Variants in TSPAN18 observed in about 807,000 individuals in gnomAD.
TSPAN18 encodes tetraspanin 18.
A neutral mutation model predicts 27.3 loss-of-function variants in TSPAN18; 14 were observed. The observed-to-expected ratio is 0.51, with a 90% CI of 0.34 to 0.80. The LOEUF (loss-of-function observed/expected upper bound fraction) is 0.80, where lower values mean the gene tolerates loss of function less well. Among genes scored for constraint, TSPAN18 ranks in the 30% least tolerant of loss-of-function variants. The pLI, the probability that TSPAN18 is intolerant of heterozygous loss-of-function variation, is 0.01. For synonymous variants in TSPAN18, 143 were observed against 136.5 expected, an observed-to-expected ratio of 1.05 and a Z score of -0.33; for missense variants, 268 against 323.9, an observed-to-expected ratio of 0.83 and a Z score of 1.32.
At chr11:44,886,646 G>A (rs1376122189) in intron 3 of TSPAN18, 1 of 152,178 alleles carries the variant, frequency 6.6e-6, no homozygotes. Context: ...TGCCAGGAAG[G>A]ACTTCCCCAC....
intron 1 of TSPAN18, among the ~76,000 whole-genome samples, chr11:44,761,629 T>G (rs1216030446): frequency 1.2e-4 from 18 of 152,186 alleles, no homozygotes; most frequent in African/African-American, 4.3e-4. Context: ...AGTAATTTTG[T>G]TATTGACAGG....
chr11:44,829,951 G>A (rs181400550), intron 2 of TSPAN18, among the ~76,000 whole-genome samples: 1 of 152,308 alleles, frequency 6.6e-6, no homozygotes, highest in Admixed American at 6.5e-5. Flanking sequence ...TGAACCAACT[G>A]TGTCTCTCCC....
chr11:44,926,792 G>C, intron 9 of TSPAN18, 35 bp downstream of exon 9: 1 of 1,604,992 alleles, frequency 6.2e-7, no homozygotes, highest in East Asian at 2.2e-5. Flanking sequence ...CGCTCCCCAG[G>C]ATGAAGCCTC....
intron 2 of TSPAN18, among the ~76,000 whole-genome samples, chr11:44,836,781 A>G (rs573707669): frequency 1.3e-5 from 2 of 152,364 alleles, no homozygotes; most frequent in East Asian, 3.9e-4. Flanking sequence ...ACCCTTAAGA[A>G]TGAGGCTAAA....
Position 44,929,119 on chromosome 11 carries a change from C to A in TSPAN18, c.700-12C>A. The A allele has an allele frequency of 6.2e-7, 1 of 1,613,152 alleles. No individual in the cohort carries two copies. The highest frequency in any genetic ancestry group is 8.5e-7 in the Non-Finnish European group (1 of 1,180,004). ...TGATAAGCCAGTTCCTGCTCTTTTT[C>A]TTTTTTTGCAGCTTTTCGCCATGAT... On this transcript the variant is annotated splice_polypyrimidine_tract_variant and intron_variant, in intron 9 of 9. Transcript: ENST00000520358.
intron 3 of TSPAN18, among the ~76,000 whole-genome samples, chr11:44,894,746 C>T (rs1312634984): frequency 1.3e-5 from 2 of 152,224 alleles, no homozygotes; most frequent in Non-Finnish European, 2.9e-5. Flanking sequence ...CAAGGGCCTC[C>T]AGCTGGCTCA....
At chr11:44,920,297 C>A (rs1429883940) in intron 8 of TSPAN18, among the ~76,000 whole-genome samples, 1 of 152,050 alleles carries the variant, frequency 6.6e-6, no homozygotes, top group Non-Finnish European at 1.5e-5. Context: ...TCCTGAGTTT[C>A]TGATAATGCA....
At chr11:44,925,107 C>G (rs1484610725) in intron 8 of TSPAN18, among the ~76,000 whole-genome samples, 1 of 152,210 alleles carries the variant, frequency 6.6e-6, no homozygotes, top group Non-Finnish European at 1.5e-5. Flanking sequence ...GCTCCCAGTG[C>G]CACAGCAGAG....
At chr11:44,795,475 C>T (rs1012921447) in intron 2 of TSPAN18, among the ~76,000 whole-genome samples, 15 of 152,122 alleles carry the variant, frequency 9.9e-5, no homozygotes, top group Admixed American at 9.8e-4. Context: ...CCTACCTCCA[C>T]TCATCCAAGC....
intron 1 of TSPAN18, among the ~76,000 whole-genome samples, chr11:44,762,679 T>A (rs1855480728): frequency 6.6e-6 from 1 of 152,144 alleles, no homozygotes; most frequent in Non-Finnish European, 1.5e-5. Context: ...AACAAATTCC[T>A]CTGATTGTAG....
At position 44,929,173 on chromosome 11, in the gene TSPAN18, C is replaced by T. The variant is rs369733005; in HGVS notation, c.742C>T (p.Gln248Ter). ...IFAMCLFRGI[Q>*] is the part of the protein sequence containing the mutation. ...TGCCATGTGCCTCTTCCGGGGCATC[C>T]AGTAGAGGGTATGGCCTGAAGCCTG... Residue 248 changes from glutamine to a stop codon, truncating the protein, a stop_gained, in exon 10 of 10, where the codon CAG becomes TAG. Coordinates refer to ENST00000520358, the MANE Select transcript of TSPAN18 (RefSeq NM_130783.5). LOFTEE classifies it high-confidence loss of function. The T allele has an allele frequency of 6.2e-7, 1 of 1,613,530 alleles. No homozygotes were observed. Among genetic ancestry groups the T allele is most frequent in the African/African-American group, 1.3e-5 (1 of 74,926 alleles).
At chr11:44,927,929 A>G (rs886888551) in intron 9 of TSPAN18, among the ~76,000 whole-genome samples, 5 of 152,096 alleles carry the variant, frequency 3.3e-5, no homozygotes, top group Non-Finnish European at 5.9e-5. Flanking sequence ...GCATTCATAT[A>G]CTTGATCTGC....
At chr11:44,813,023 C>T (rs1187352518) in intron 2 of TSPAN18, among the ~76,000 whole-genome samples, 1 of 151,866 alleles carries the variant, frequency 6.6e-6, no homozygotes, top group Non-Finnish European at 1.5e-5. Flanking sequence ...CACCCATAAC[C>T]CTCACCTTGC....
chr11:44,758,092 A>T (rs1294167940), intron 1 of TSPAN18, among the ~76,000 whole-genome samples: 1 of 152,246 alleles, frequency 6.6e-6, no homozygotes, highest in Admixed American at 6.5e-5. Flanking sequence ...TGTGTTGAAT[A>T]GAAGTGGCAA....
At chr11:44,798,225 T>A (rs1856395146) in intron 2 of TSPAN18, among the ~76,000 whole-genome samples, 1 of 152,180 alleles carries the variant, frequency 6.6e-6, no homozygotes, top group South Asian at 2.1e-4. Flanking sequence ...GGTACCATCA[T>A]TAGCATCATA....
intron 2 of TSPAN18, among the ~76,000 whole-genome samples, chr11:44,809,281 A>G (rs1199465346): frequency 1.3e-5 from 2 of 151,628 alleles, no homozygotes; most frequent in African/African-American, 4.8e-5. Context: ...AACACTGGGG[A>G]GCACTCATAT....
intron 3 of TSPAN18, among the ~76,000 whole-genome samples, chr11:44,869,232 C>G (rs1470739294): frequency 6.6e-6 from 1 of 152,184 alleles, no homozygotes; most frequent in African/African-American, 2.4e-5. Context: ...GCTTACATAC[C>G]TGTAGCGATG....
Position 44,768,533 on chromosome 11 carries a change from A to AT in TSPAN18, c.-153+4022dup, listed in dbSNP as rs746716979. Among the ~76,000 whole-genome samples the AT allele has an allele frequency of 5.1e-4, 77 of 152,188 alleles. No individual in the cohort carries two copies. The Middle Eastern group carries it at 0.01, about 20-fold the overall frequency. ...TTTCAGGTTTTCTACATAAATGATC[A>AT]TATCTTCTGCAAAAAAAGACAGTTT... On this transcript the variant is annotated intron_variant, in intron 2 of 9. Transcript: ENST00000520358.
At chr11:44,883,329 G>A (rs1230164432) in intron 3 of TSPAN18, among the ~76,000 whole-genome samples, 1 of 152,192 alleles carries the variant, frequency 6.6e-6, no homozygotes, top group Non-Finnish European at 1.5e-5. Flanking sequence ...TGGAGCTAGT[G>A]GCACCTAGAT....
Sources: allele counts gnomAD v4.1 joint callset (sites outside exome capture counted in the v4.1 genomes callset), GRCh38; gene constraint gnomAD v4.1.1; transcripts MANE v1.5; gene names NCBI Gene and HGNC (gene_info 2026-07-23, HGNC 2026-07-21).